CTNNA2: variants seen among roughly 807,000 people sequenced by gnomAD.
The protein encoded by CTNNA2 is catenin alpha-2.
In CTNNA2, 42 loss-of-function variants were observed where a neutral mutation model predicts 101.0. The ratio of observed to expected loss-of-function variants is 0.42; its 90% CI spans 0.32 to 0.54. CTNNA2 has a LOEUF of 0.54. Among genes scored for constraint, CTNNA2 ranks in the 20% least tolerant of loss-of-function variants. CTNNA2 has a pLI of 0.14. For synonymous variants in CTNNA2, 450 were observed against 456.4 expected (o/e 0.99, Z 0.18); for missense variants, 871 against 1,223.1 (o/e 0.71, Z 4.29).
At chr2:80,346,168 T>G (rs909344515) in intron 7 of CTNNA2, among the ~76,000 whole-genome samples, 3 of 152,174 alleles carry the variant, frequency 2.0e-5, no homozygotes, top group African/African-American at 7.2e-5. Flanking sequence ...TTTGAACTCT[T>G]TTGTATTAGG....
At chr2:79,719,728 C>T (rs1041105963) in intron 2 of CTNNA2, among the ~76,000 whole-genome samples, 6 of 151,990 alleles carry the variant, frequency 3.9e-5, no homozygotes, top group Middle Eastern at 3.2e-3. Flanking sequence ...GTCCTTTGCC[C>T]GTTTTAATGC....
At position 79,869,837 on chromosome 2, in the gene CTNNA2, G is replaced by C; in HGVS notation, c.487G>C (p.Val163Leu). Residue 163 changes from valine (V) to leucine (L), a missense_variant, in exon 5 of 19, where the codon GTC becomes CTC. Transcript: ENST00000402739. ...LKIVEEALEA[V>L]KNATNEQDLA... Reference sequence around the variant, plus strand: ...GCAGGTGGAAGAGGCCCTGGAAGCTGTCAAAAATGCTACAAATGAGCAAGA... The same window carrying C: ...GCAGGTGGAAGAGGCCCTGGAAGCTCTCAAAAATGCTACAAATGAGCAAGA... 2 of 1,614,016 alleles carry C rather than the reference G, an allele frequency of 1.2e-6. No homozygotes were observed. The highest frequency in any genetic ancestry group is 1.7e-6 in the Non-Finnish European group (2 of 1,179,978).
intron 4 of CTNNA2, among the ~76,000 whole-genome samples, chr2:79,435,149 G>A (rs1344949880): frequency 6.6e-6 from 1 of 152,060 alleles, no homozygotes; most frequent in East Asian, 1.9e-4. Context: ...AACAGTGAAA[G>A]GTGCATTAGA....
chr2:80,601,187 CT>C (rs2149767334), intron 15 of CTNNA2, among the ~76,000 whole-genome samples: 1 of 152,148 alleles, frequency 6.6e-6, no homozygotes, highest in Non-Finnish European at 1.5e-5. Context: ...TCTGTCATTT[CT>C]TTGGGTTTTT....
At chr2:79,307,810 G>A (rs944454563) in intron 2 of CTNNA2, among the ~76,000 whole-genome samples, 2 of 152,152 alleles carry the variant, frequency 1.3e-5, no homozygotes, top group African/African-American at 2.4e-5. Flanking sequence ...TCTTCATCAT[G>A]ACTTAACTAG....
At chr2:79,875,508 G>A (rs1251050339) in intron 6 of CTNNA2, among the ~76,000 whole-genome samples, 1 of 152,174 alleles carries the variant, frequency 6.6e-6, no homozygotes, top group Non-Finnish European at 1.5e-5. Flanking sequence ...TTTTGAATAT[G>A]TTGATGTGAA....
intron 7 of CTNNA2, among the ~76,000 whole-genome samples, chr2:80,362,156 C>A (rs1674472613): frequency 6.6e-6 from 1 of 152,130 alleles, no homozygotes; most frequent in African/African-American, 2.4e-5. Context: ...AGGTTCCTAC[C>A]CCTGCCACAG....
chr2:80,048,125 A>AAACAAC (rs538045186), intron 7 of CTNNA2, among the ~76,000 whole-genome samples: 2 of 152,124 alleles, frequency 1.3e-5, no homozygotes, highest in Non-Finnish European at 2.9e-5. Flanking sequence ...TTAACAAATT[A>AAACAAC]AACAACAACA....
chr2:80,363,547 T>C (rs1269814179), intron 7 of CTNNA2, among the ~76,000 whole-genome samples: 1 of 152,156 alleles, frequency 6.6e-6, no homozygotes, highest in Non-Finnish European at 1.5e-5. Context: ...TGATGAATCA[T>C]TGGTGAGGCC....
intron 4 of CTNNA2, among the ~76,000 whole-genome samples, chr2:79,490,576 C>T (rs531904964): frequency 3.9e-5 from 6 of 152,174 alleles, no homozygotes; most frequent in Non-Finnish European, 8.8e-5. Flanking sequence ...TCTTTTAGAC[C>T]ATTAAATAAT....
At position 79,234,571 on chromosome 2, in the gene CTNNA2, A is replaced by G. The variant is rs1200881735; in HGVS notation, c.-406+36495A>G. On this transcript the variant is annotated intron_variant, in intron 2 of 21. Transcript: ENST00000466387. Reference sequence around the variant, plus strand: ...AGTTCTCTATATTTTTTGAATTTGTATGTTCTCCTCTCTAGCAACTTCAGG... The same window carrying G: ...AGTTCTCTATATTTTTTGAATTTGTGTGTTCTCCTCTCTAGCAACTTCAGG... Among the ~76,000 whole-genome samples the G allele has an allele frequency of 3.3e-5, 5 of 151,984 alleles. No individual in the cohort carries two copies. The East Asian group carries it at 9.7e-4, about 29-fold the overall frequency.
intron 18 of CTNNA2, among the ~76,000 whole-genome samples, chr2:80,634,066 C>G (rs1558664224): frequency 6.6e-6 from 1 of 152,122 alleles, no homozygotes; most frequent in Non-Finnish European, 1.5e-5. Flanking sequence ...TTTGGACAAG[C>G]CTTTCACGTC....
intron 7 of CTNNA2, among the ~76,000 whole-genome samples, chr2:80,341,850 C>A (rs921379231): frequency 1.3e-5 from 2 of 152,138 alleles, no homozygotes; most frequent in African/African-American, 4.8e-5. Context: ...CCAAAAATTG[C>A]AGAGAACACA....
intron 7 of CTNNA2, among the ~76,000 whole-genome samples, chr2:80,052,345 C>CCCAG (rs2104337197): frequency 6.6e-6 from 1 of 152,240 alleles, no homozygotes; most frequent in Admixed American, 6.5e-5. Context: ...ACATGGCTTG[C>CCCAG]CCAGCCACAT....
chr2:80,437,344 G>A (rs1419355927), intron 9 of CTNNA2, among the ~76,000 whole-genome samples: 1 of 152,172 alleles, frequency 6.6e-6, no homozygotes, highest in African/African-American at 2.4e-5. Context: ...GGATGGGGGA[G>A]GCTTGAATTC....
At chr2:80,254,180 A>G (rs1371780921) in intron 7 of CTNNA2, among the ~76,000 whole-genome samples, 3 of 152,132 alleles carry the variant, frequency 2.0e-5, no homozygotes, top group Non-Finnish European at 4.4e-5. Flanking sequence ...ACAATATTGT[A>G]TGTTAACAGC....
intron 3 of CTNNA2, among the ~76,000 whole-genome samples, chr2:79,762,304 A>T (rs148547991): frequency 6.6e-6 from 1 of 152,296 alleles, no homozygotes; most frequent in East Asian, 1.9e-4. Context: ...GCAGGCCAAG[A>T]GTCGGGAAAG....
intron 4 of CTNNA2, among the ~76,000 whole-genome samples, chr2:79,397,572 A>G (rs1451540): frequency 0.85 from 129,564 of 152,198 alleles, 55,599 homozygotes; most frequent in African/African-American, 0.96. Flanking sequence ...ATACGTTTTT[A>G]TTTTCCTTCT....
At chr2:79,967,691 T>A (rs1690173604) in intron 7 of CTNNA2, among the ~76,000 whole-genome samples, 1 of 152,208 alleles carries the variant, frequency 6.6e-6, no homozygotes, top group Admixed American at 6.5e-5. Flanking sequence ...ATAGAATTAC[T>A]GTATAGCCCA....
Sources: gnomAD v4.1 joint callset for allele counts (sites outside exome capture counted in the v4.1 genomes callset) on GRCh38, gnomAD v4.1.1 for gene constraint, MANE v1.5 for transcripts, NCBI Gene and HGNC (gene_info 2026-07-23, HGNC 2026-07-21) for gene names.